PGM5: variants seen among roughly 807,000 people sequenced by gnomAD.
PGM5 encodes phosphoglucomutase 5, also known as phosphoglucomutase-like protein 5.
In PGM5, 23 loss-of-function variants were observed where a neutral mutation model predicts 59.2. The observed-to-expected ratio is 0.39, with a 90% CI of 0.28 to 0.55. The LOEUF is 0.55. PGM5 is among the 20% of genes least tolerant of loss of function. The pLI is 0.66. For missense variants in PGM5, 574 were observed against 748.3 expected (o/e 0.77, Z 2.72); for synonymous variants, 214 against 286.0 (o/e 0.75, Z 2.54).
chr9:68,385,066 T>A (rs1448869193), intron 3 of PGM5, among the ~76,000 whole-genome samples: 1 of 152,024 alleles, frequency 6.6e-6, no homozygotes, highest in Non-Finnish European at 1.5e-5. Context: ...CTATCAAATA[T>A]ATTTAGGCAA....
At chr9:68,477,800 A>G (rs1219475294) in intron 7 of PGM5, among the ~76,000 whole-genome samples, 1 of 152,126 alleles carries the variant, frequency 6.6e-6, no homozygotes, top group Non-Finnish European at 1.5e-5. Context: ...CCTGACAGTA[A>G]CCCCATGGGG....
intron 6 of PGM5, among the ~76,000 whole-genome samples, chr9:68,412,610 A>T (rs1822953466): frequency 6.6e-6 from 1 of 152,054 alleles, no homozygotes; most frequent in Admixed American, 6.6e-5. Context: ...CAGGGCTCAC[A>T]CTCTGGGTCC....
chr9:68,401,739 C>T (rs1389259367), intron 6 of PGM5, among the ~76,000 whole-genome samples: 4 of 152,100 alleles, frequency 2.6e-5, no homozygotes, highest in African/African-American at 9.7e-5. Context: ...TAAATAACCT[C>T]TCTCTTTTAT....
rs939881941 is a variant in PGM5, at chr9:68,445,233, G to T, written c.1044-19860G>T. ...TGGAAAAAAAAATCCCTTGTAAAAT[G>T]CAGATTTCAGGGCCCCATCCCCAGA... On this transcript the variant is annotated intron_variant, in intron 6 of 10. Coordinates refer to ENST00000396396, the MANE Select transcript of PGM5 (RefSeq NM_021965.4). Among the ~76,000 whole-genome samples the T allele has an allele frequency of 2.6e-5, 4 of 151,950 alleles. No individual in the cohort carries two copies. The South Asian group carries it at 8.3e-4, about 31-fold the overall frequency.
intron 10 of PGM5, among the ~76,000 whole-genome samples, chr9:68,521,979 G>A (rs986260980): frequency 2.0e-5 from 3 of 152,148 alleles, no homozygotes; most frequent in Non-Finnish European, 4.4e-5. Context: ...ATCGGGCCTG[G>A]CACAGTGGCT....
intron 10 of PGM5, 109 bp from the exon 11 acceptor site, chr9:68,529,458 A>G: frequency 2.6e-6 from 2 of 777,492 alleles, no homozygotes; most frequent in Non-Finnish European, 4.3e-6. Context: ...GACTGCCTGT[A>G]AACAGTGAAT....
intron 6 of PGM5, among the ~76,000 whole-genome samples, chr9:68,460,840 A>G (rs1265674360): frequency 6.6e-6 from 1 of 152,198 alleles, no homozygotes; most frequent in Admixed American, 6.5e-5. Context: ...TCCTGCGCTC[A>G]TGGAAGTTCT....
At chr9:68,402,033 C>G (rs1554680701) in intron 6 of PGM5, among the ~76,000 whole-genome samples, 2 of 152,014 alleles carry the variant, frequency 1.3e-5, no homozygotes, top group African/African-American at 4.8e-5. Context: ...GAGGCTGAGG[C>G]AGGAGGATCA....
intron 4 of PGM5, among the ~76,000 whole-genome samples, chr9:68,388,899 CTAT>C (rs1441907225): frequency 2.6e-5 from 4 of 151,466 alleles, no homozygotes; most frequent in East Asian, 1.9e-4. Flanking sequence ...GTGTGGGACT[CTAT>C]CTTTATTATA....
At chr9:68,428,453 A>G (rs1205246951) in intron 6 of PGM5, 1 of 152,214 alleles carries the variant, frequency 6.6e-6, no homozygotes, top group East Asian at 1.9e-4. Context: ...AGCAAATTCA[A>G]ACTTTTTCAT....
intron 7 of PGM5, among the ~76,000 whole-genome samples, chr9:68,469,367 A>G (rs1295382581): frequency 6.6e-6 from 1 of 152,252 alleles, no homozygotes; most frequent in African/African-American, 2.4e-5. Flanking sequence ...TTTTAAAAAA[A>G]AAATGAGCAC....
Position 68,425,475 on chromosome 9 carries a change from A to G in PGM5, c.1043+33002A>G, listed in dbSNP as rs542465824. Among the ~76,000 whole-genome samples the G allele has an allele frequency of 3.3e-4, 50 of 152,282 alleles. 1 individual carries two copies. The highest frequency in any genetic ancestry group is 3.1e-3 in the South Asian group (15 of 4,828). On this transcript the variant is annotated intron_variant, in intron 6 of 10. Transcript: ENST00000396396. ...GTACATTAGAGAAGATTGACTTGAA[A>G]TTTCATAAATATATATCTTATCTTA...
At position 68,483,812 on chromosome 9, in the gene PGM5, A is replaced by G. The variant is rs1226634298; in HGVS notation, c.1296-53A>G. ...ATGATTAAATAACTGTAAGTGGGCC[A>G]CCCAGTTGCTGGTTCTCTGATTAGG... On this transcript the variant is annotated intron_variant, in intron 8 of 10. Coordinates refer to ENST00000396396, the MANE Select transcript of PGM5 (RefSeq NM_021965.4). 8 of 1,540,586 alleles carry G rather than the reference A, an allele frequency of 5.2e-6. No individual in the cohort carries two copies. The Admixed American group carries it at 1.4e-4, about 26-fold the overall frequency.
intron 6 of PGM5, among the ~76,000 whole-genome samples, chr9:68,454,564 C>T (rs1460195502): frequency 1.3e-5 from 2 of 152,194 alleles, no homozygotes; most frequent in East Asian, 3.9e-4. Flanking sequence ...CCACGGAGTG[C>T]TCTGGGGATC....
At chr9:68,479,750 C>T (rs1824163628) in intron 8 of PGM5, among the ~76,000 whole-genome samples, 197 bp downstream of exon 8, 2 of 152,004 alleles carry the variant, frequency 1.3e-5, no homozygotes, top group African/African-American at 4.8e-5. Context: ...CCGGCTAAAA[C>T]GGTGAAACCC....
Position 68,519,662 on chromosome 9 carries a change from TA to T in PGM5, c.1615-9894del, listed in dbSNP as rs200071378. Reference sequence around the variant, plus strand: ...AACTTAAAGTATAATAAAAAAAAATTAAAAAAAAAAAGAAAAACAGCTAGGT... The same window carrying T: ...AACTTAAAGTATAATAAAAAAAAATTAAAAAAAAAAGAAAAACAGCTAGGT... On this transcript the variant is annotated intron_variant, in intron 10 of 10. Transcript: ENST00000396396. Among the ~76,000 whole-genome samples, 412 of 140,854 alleles carry T rather than the reference TA, an allele frequency of 2.9e-3. 1 individual carries two copies. The highest frequency in any genetic ancestry group is 0.015 in the East Asian group (72 of 4,830). The allele number at this position is 140,854 out of a possible 152,430, so 92.4% of individuals were successfully genotyped here. A position where few individuals can be genotyped will look rare whatever the true frequency, so the allele number is the denominator to read the frequency against.
intron 7 of PGM5, among the ~76,000 whole-genome samples, chr9:68,476,361 T>C (rs782039288): frequency 2.0e-5 from 3 of 152,200 alleles, no homozygotes; most frequent in Non-Finnish European, 4.4e-5. Context: ...TATTGACCTA[T>C]GAAAACATTA....
At chr9:68,434,316 C>CAAAAAAAAAAAAAAAAAAAAA (rs71353054) in intron 6 of PGM5, among the ~76,000 whole-genome samples, 5 of 90,832 alleles carry the variant, frequency 5.5e-5, no homozygotes, top group South Asian at 4.4e-4. Context: ...GACTCCGTCT[C>CAAAAAAAAAAAAAAAAAAAAA]AAAAAAAAAA....
At chr9:68,509,455 G>A (rs898214350) in intron 10 of PGM5, among the ~76,000 whole-genome samples, 1 of 152,204 alleles carries the variant, frequency 6.6e-6, no homozygotes, top group African/African-American at 2.4e-5. Flanking sequence ...GAGATGGAAG[G>A]TAGATGAGGC....
Sources: allele counts gnomAD v4.1 joint callset (sites outside exome capture counted in the v4.1 genomes callset), GRCh38; gene constraint gnomAD v4.1.1; transcripts MANE v1.5; gene names NCBI Gene and HGNC (gene_info 2026-07-23, HGNC 2026-07-21).